Variants in CAPRIN1 observed in about 807,000 individuals in gnomAD.
CAPRIN1 encodes the protein cell cycle associated protein 1, also known as caprin-1.
CAPRIN1 carries 29 observed loss-of-function variants against 100.9 expected under a neutral mutation model. The observed-to-expected ratio is 0.29, with a 90% CI of 0.21 to 0.39. The LOEUF is 0.39. Ranked by LOEUF, CAPRIN1 falls within the 10% of genes least tolerant of loss-of-function variation. The pLI is 1.00. For synonymous variants in CAPRIN1, 338 were observed against 307.5 expected (o/e 1.10, Z -1.04); for missense variants, 795 against 876.7 (o/e 0.91, Z 1.18).
At position 34,076,382 on chromosome 11, in the gene CAPRIN1, T is replaced by A. The variant is rs1453445021; in HGVS notation, c.513T>A (p.Gly171=). 6.2e-7 allele frequency: 1 copy of A among 1,614,058 alleles called. No individual in the cohort carries two copies. Among genetic ancestry groups the A allele is most frequent in the Non-Finnish European group, 8.5e-7 (1 of 1,180,026 alleles). ...AAGTGCGGACTGACCTGAAACAAGG[T>A]TTGAATGGAGTGCCAATATTGTCCG... ...DDEVRTDLKQ[G]LNGVPILSEE... is the part of the protein sequence containing the mutation. The change falls in exon 5 of 19, where the codon GGT becomes GGA. Residue 171 remains glycine (G), a synonymous_variant. Transcript: ENST00000341394.
chr11:34,087,329 A>ATTTTT lies in CAPRIN1; in HGVS notation c.1231+934_1231+938dup, dbSNP rs5790975. On this transcript the variant is annotated intron_variant, in intron 11 of 18. Transcript: ENST00000341394. ...AGTAAAGGGAGCTCATATCTCTCAC[A>ATTTTT]TTTTTTTTTTTTTTTTTTTTTTGAG... 5.7e-4 allele frequency among the ~76,000 whole-genome samples: 55 copies of ATTTTT among 96,570 alleles called. 4 individuals carry two copies. The highest frequency in any genetic ancestry group is 7.8e-4 in the African/African-American group (18 of 22,992). The allele number at this position is 96,570 out of a possible 152,430, so 63.4% of individuals were successfully genotyped here.
chr11:34,090,965 C>CTAATA (rs777599967), intron 14 of CAPRIN1, among the ~76,000 whole-genome samples: 4 of 152,108 alleles, frequency 2.6e-5, no homozygotes, highest in Non-Finnish European at 5.9e-5. Flanking sequence ...GAGAAATAGA[C>CTAATA]TAATATAACA....
intron 7 of CAPRIN1, 140 bp downstream of exon 7, chr11:34,079,905 G>T (rs1590735733): frequency 9.0e-6 from 3 of 331,948 alleles, no homozygotes; most frequent in Admixed American, 6.1e-5. Context: ...GCATGACAAA[G>T]TTTTTTTTTT....
intron 4 of CAPRIN1, among the ~76,000 whole-genome samples, chr11:34,075,303 T>A (rs918738837): frequency 3.9e-5 from 6 of 152,150 alleles, no homozygotes; most frequent in African/African-American, 1.4e-4. Context: ...TTCATCCTAG[T>A]GAGGCTTGAG....
At chr11:34,095,329 T>C (rs1851349404) in intron 15 of CAPRIN1, among the ~76,000 whole-genome samples, 1 of 152,228 alleles carries the variant, frequency 6.6e-6, no homozygotes, top group African/African-American at 2.4e-5. Flanking sequence ...AAATGTTATG[T>C]GTATTTGTCA....
intron 6 of CAPRIN1, among the ~76,000 whole-genome samples, chr11:34,079,156 C>T (rs1850962125): frequency 6.6e-6 from 1 of 152,156 alleles, no homozygotes. Flanking sequence ...CCTGTTAATC[C>T]CAGCCCTTTG....
chr11:34,091,396 C>T (rs570046985), intron 14 of CAPRIN1, among the ~76,000 whole-genome samples: 81 of 152,312 alleles, frequency 5.3e-4, no homozygotes, highest in Non-Finnish European at 7.1e-4. Flanking sequence ...AAGCGATTCT[C>T]ATGCCTCAGC....
At position 34,052,957 on chromosome 11, in the gene CAPRIN1, T is replaced by A. The variant is rs1015804463; in HGVS notation, c.216+321T>A. On this transcript the variant is annotated intron_variant, in intron 2 of 18. Coordinates refer to ENST00000341394, the MANE Select transcript of CAPRIN1 (RefSeq NM_005898.5). ...AGGGTGGGGGCCTGTCGTCAGGACT[T>A]CACTGTATGGTGCCCTTCTTTCCGT... 9.3e-6 allele frequency: 11 copies of A among 1,181,798 alleles called. No homozygotes were observed. The East Asian group carries it at 6.2e-4, about 66-fold the overall frequency. The allele number at this position is 1,181,798 out of a possible 1,614,324, so 73.2% of individuals were successfully genotyped here.
At position 34,069,151 on chromosome 11, in the gene CAPRIN1, GT is replaced by G. The variant is rs759857309; in HGVS notation, c.217-2557del. Among the ~76,000 whole-genome samples, 171 of 132,776 alleles carry G rather than the reference GT, an allele frequency of 1.3e-3. 1 individual carries two copies. Among genetic ancestry groups the G allele is most frequent in the Admixed American group, 2.4e-3 (31 of 13,118 alleles). 87.1% of individuals were successfully genotyped at this position (132,776 alleles called of 152,430 possible). A position where few individuals can be genotyped will look rare whatever the true frequency, so the allele number is the denominator to read the frequency against. On this transcript the variant is annotated intron_variant, in intron 2 of 18. Coordinates refer to ENST00000341394, the MANE Select transcript of CAPRIN1 (RefSeq NM_005898.5). ...AAATCATAAATTCAAAACTTATTTA[GT>G]TTTTTTTTTTTTTTTTTAAGATGGA...
At position 34,097,712 on chromosome 11, in the gene CAPRIN1, G is replaced by T; in HGVS notation, c.2016G>T (p.Gln672His). Reference protein sequence around the residue: ...YSGYQRDGYQQNFKRGSGQSG... With the variant: ...YSGYQRDGYQHNFKRGSGQSG... ...TTGTCTTTTAGGATGGATATCAGCA[G>T]AATTTCAAGCGAGGCTCTGGGCAGA... The change falls in exon 18 of 19, where the codon CAG (glutamine) becomes CAT (histidine). Residue 672 changes from glutamine (Q) to histidine (H), a missense_variant. Coordinates refer to ENST00000341394, the MANE Select transcript of CAPRIN1 (RefSeq NM_005898.5). 6.2e-7 allele frequency: 1 copy of T among 1,614,118 alleles called. No homozygotes were observed. Among genetic ancestry groups the T allele is most frequent in the Non-Finnish European group, 8.5e-7 (1 of 1,179,978 alleles).
At chr11:34,060,570 T>C (rs755069755) in intron 2 of CAPRIN1, among the ~76,000 whole-genome samples, 2 of 152,198 alleles carry the variant, frequency 1.3e-5, no homozygotes, top group Admixed American at 1.3e-4. Flanking sequence ...AAAAACCCTT[T>C]GGGCTTACAC....
At chr11:34,083,444 T>C (rs1036385859) in intron 9 of CAPRIN1, among the ~76,000 whole-genome samples, 7 of 152,246 alleles carry the variant, frequency 4.6e-5, no homozygotes, top group African/African-American at 1.7e-4. Context: ...TTTCTAATGC[T>C]GTCTCTCAAC....
intron 9 of CAPRIN1, among the ~76,000 whole-genome samples, chr11:34,084,814 A>G (rs1051327665): frequency 1.3e-5 from 2 of 152,206 alleles, no homozygotes; most frequent in Admixed American, 6.6e-5. Flanking sequence ...TGAACATAGA[A>G]TGCAAGGTAA....
At position 34,052,465 on chromosome 11, in the gene CAPRIN1, C is replaced by A. The variant is rs745970039; in HGVS notation, c.45C>A (p.Ser15=). The change falls in exon 2 of 19, where the codon TCC becomes TCA. Residue 15 remains serine, a synonymous_variant. Transcript: ENST00000341394. ...TSHSGSGSKS[S]GPPPPSGSSG... is the part of the protein sequence containing the mutation. ...ACAGCGGGAGCGGCAGCAAGTCGTC[C>A]GGACCGCCACCGCCGTCGGGTTCCT... 4 of 1,607,326 alleles carry A rather than the reference C, an allele frequency of 2.5e-6. No homozygotes were observed. The highest frequency in any genetic ancestry group is 3.4e-6 in the Non-Finnish European group (4 of 1,178,678).
chr11:34,088,240 T>C (rs1240818327), intron 11 of CAPRIN1, among the ~76,000 whole-genome samples: 1 of 152,112 alleles, frequency 6.6e-6, no homozygotes, highest in Non-Finnish European at 1.5e-5. Context: ...CTTGACCTCG[T>C]GATCCACCCG....
intron 16 of CAPRIN1, among the ~76,000 whole-genome samples, 186 bp from the exon 17 acceptor site, chr11:34,097,009 AT>A (rs1851380486): frequency 6.6e-6 from 1 of 152,196 alleles, no homozygotes; most frequent in Non-Finnish European, 1.5e-5. Context: ...TTAAAAGTTT[AT>A]CTTCTGAGGG....
rs1385140113 is a variant in CAPRIN1, at chr11:34,096,689, A to G, written c.1900+16A>G. The G allele has an allele frequency of 6.4e-7, 1 of 1,574,088 alleles. No individual in the cohort carries two copies. The highest frequency in any genetic ancestry group is 8.7e-7 in the Non-Finnish European group (1 of 1,154,900). ...GGATTCAGAGGTAAAAAAATAAAAA[A>G]GGAGGTTCTAATGACCTTTTACTAG... On this transcript the variant is annotated intron_variant, in intron 16 of 18. Transcript: ENST00000341394.
intron 14 of CAPRIN1, among the ~76,000 whole-genome samples, chr11:34,091,178 A>G (rs1250263478): frequency 6.6e-6 from 1 of 152,250 alleles, no homozygotes; most frequent in African/African-American, 2.4e-5. Context: ...ATAAGATTAA[A>G]TATTAAAATA....
At chr11:34,090,740 T>C in intron 14 of CAPRIN1, 62 bp downstream of exon 14, 2 of 1,514,566 alleles carry the variant, frequency 1.3e-6, no homozygotes. Context: ...AGATTTTCTT[T>C]TCTTTTTTAA....
Sources: gnomAD v4.1 joint callset for allele counts (sites outside exome capture counted in the v4.1 genomes callset) on GRCh38, gnomAD v4.1.1 for gene constraint, MANE v1.5 for transcripts, NCBI Gene and HGNC (gene_info 2026-07-23, HGNC 2026-07-21) for gene names.